The following TMEM74 variants were observed in gnomAD, a reference collection of about 807,000 sequenced individuals.
TMEM74 encodes transmembrane protein 74.
In TMEM74, 13 loss-of-function variants were observed where a neutral mutation model predicts 18.1. That is an observed-to-expected ratio of 0.72 (90% confidence interval 0.47 to 1.14). The LOEUF is 1.14. Ranked by LOEUF, TMEM74 falls within the 50% of genes most tolerant of loss-of-function variation. The pLI is 0.00. For synonymous variants in TMEM74, 159 were observed against 146.6 expected (o/e 1.08, Z -0.61); for missense variants, 372 against 375.9 (o/e 0.99, Z 0.09).
At chr8:108,761,460 C>T (rs1219845122) in intron 1 of TMEM74, among the ~76,000 whole-genome samples, 1 of 152,006 alleles carries the variant, frequency 6.6e-6, no homozygotes, top group East Asian at 1.9e-4. Context: ...AAATGACAGC[C>T]ATAGGTACAG....
At chr8:108,688,518 G>A (rs560187224) in intron 1 of TMEM74, among the ~76,000 whole-genome samples, 17 of 152,196 alleles carry the variant, frequency 1.1e-4, no homozygotes, top group Non-Finnish European at 2.5e-4. Flanking sequence ...TAACAATTTA[G>A]GCAAAAGGTC....
chr8:108,631,969 A>G (rs1344116476), intron 2 of TMEM74, among the ~76,000 whole-genome samples: 1 of 152,014 alleles, frequency 6.6e-6, no homozygotes, highest in Non-Finnish European at 1.5e-5. Flanking sequence ...ATTGTGCCCA[A>G]TTGACATTAG....
chr8:108,717,390 A>G (rs1813536476), intron 1 of TMEM74, among the ~76,000 whole-genome samples: 1 of 152,178 alleles, frequency 6.6e-6, no homozygotes, highest in South Asian at 2.1e-4. Flanking sequence ...TATTCAGAAA[A>G]CAGTAATTGA....
chr8:108,636,180 G>A (rs760791028), intron 2 of TMEM74, among the ~76,000 whole-genome samples: 8 of 152,074 alleles, frequency 5.3e-5, no homozygotes, highest in Non-Finnish European at 8.8e-5. Context: ...GAATGCTGCA[G>A]TAACAAAAAG....
intron 2 of TMEM74, among the ~76,000 whole-genome samples, chr8:108,651,617 A>G (rs1237150209): frequency 2.0e-5 from 3 of 152,004 alleles, no homozygotes; most frequent in African/African-American, 7.2e-5. Context: ...AGAGGAGTAG[A>G]GGCAGCTATA....
intron 1 of TMEM74, among the ~76,000 whole-genome samples, chr8:108,674,985 G>T (rs1468444945): frequency 6.6e-6 from 1 of 152,180 alleles, no homozygotes; most frequent in Non-Finnish European, 1.5e-5. Context: ...CCTCAGTTGT[G>T]AAAAGTGGCA....
intron 1 of TMEM74, among the ~76,000 whole-genome samples, chr8:108,694,299 C>T (rs1347541961): frequency 6.6e-6 from 1 of 151,984 alleles, no homozygotes; most frequent in Non-Finnish European, 1.5e-5. Flanking sequence ...GTGTGATATG[C>T]CTGTAAAGTT....
chr8:108,753,487 G>A (rs1043419746), intron 1 of TMEM74, among the ~76,000 whole-genome samples: 1 of 152,046 alleles, frequency 6.6e-6, no homozygotes, highest in Non-Finnish European at 1.5e-5. Flanking sequence ...AAAAAAGGAG[G>A]CTATGTGCCC....
At chr8:108,647,853 A>G (rs2935763) in intron 2 of TMEM74, among the ~76,000 whole-genome samples, 65,082 of 151,394 alleles carry the variant, frequency 0.43, 15,736 homozygotes, top group East Asian at 0.71. Context: ...TATAATGAGA[A>G]CACTAAAATA....
At chr8:108,707,675 C>T (rs1033811232) in intron 1 of TMEM74, among the ~76,000 whole-genome samples, 4 of 152,080 alleles carry the variant, frequency 2.6e-5, no homozygotes, top group African/African-American at 7.2e-5. Flanking sequence ...TACTTTACAT[C>T]GCACACAAAA....
At chr8:108,778,427 T>C (rs7845382), downstream of TMEM74, among the ~76,000 whole-genome samples, 4,657 of 152,200 alleles carry the variant, frequency 0.031, 234 homozygotes, top group African/African-American at 0.11. Context: ...CGAGAGACTG[T>C]GGAAATGTAA....
At chr8:108,679,632 A>C (rs1237854482) in intron 1 of TMEM74, among the ~76,000 whole-genome samples, 1 of 152,134 alleles carries the variant, frequency 6.6e-6, no homozygotes, top group East Asian at 1.9e-4. Flanking sequence ...AGTTCATTGT[A>C]GATTCTGGAT....
chr8:108,620,674 C>T (rs558273858), intron 2 of TMEM74, among the ~76,000 whole-genome samples: 12 of 152,154 alleles, frequency 7.9e-5, no homozygotes, highest in Non-Finnish European at 1.0e-4. Flanking sequence ...GGAAAGATAT[C>T]GCTTAGTAAG....
intron 1 of TMEM74, among the ~76,000 whole-genome samples, chr8:108,698,799 T>C (rs76642119): frequency 0.019 from 2,744 of 148,318 alleles, 98 homozygotes; most frequent in African/African-American, 0.069. Context: ...ATATTACCAC[T>C]TTTTTTTTCC....
chr8:108,661,801 G>A (rs578010171), intron 1 of TMEM74, among the ~76,000 whole-genome samples: 5 of 152,180 alleles, frequency 3.3e-5, no homozygotes, highest in South Asian at 2.1e-4. Context: ...ATGGGAATTA[G>A]CCAGGGAACA....
chr8:108,760,956 T>G (rs183703644), intron 1 of TMEM74, among the ~76,000 whole-genome samples: 31 of 148,678 alleles, frequency 2.1e-4, no homozygotes, highest in African/African-American at 7.3e-4. Flanking sequence ...TACGGGGTTC[T>G]TTTTAAGTGG....
chr8:108,677,689 A>T (rs1365973714), intron 1 of TMEM74, among the ~76,000 whole-genome samples: 1 of 152,146 alleles, frequency 6.6e-6, no homozygotes, highest in Non-Finnish European at 1.5e-5. Context: ...CAAGAGGGAA[A>T]CTGACAAGTA....
downstream of TMEM74, among the ~76,000 whole-genome samples, chr8:108,775,972 C>G (rs1378582474): frequency 6.6e-6 from 1 of 152,150 alleles, no homozygotes; most frequent in African/African-American, 2.4e-5. Context: ...TATTCCAGAA[C>G]AGTTACTTTT....
At position 108,782,505 on chromosome 8, in the gene TMEM74, G is replaced by A. The variant is rs896836803; in HGVS notation, c.*1676C>T. ...TCTGAGCCTCCCTTTTTGTATTTCA[G>A]TTCAACCCTTAAGTCATATGCAGCA... On this transcript the variant is annotated 3_prime_UTR_variant, in exon 2 of 2. Transcript: ENST00000297459. Among the ~76,000 whole-genome samples the A allele has an allele frequency of 6.6e-6, 1 of 151,866 alleles. No homozygotes were observed. The highest frequency in any genetic ancestry group is 6.6e-5 in the Admixed American group (1 of 15,242).
Sources: allele counts gnomAD v4.1 joint callset (sites outside exome capture counted in the v4.1 genomes callset), GRCh38; gene constraint gnomAD v4.1.1; transcripts MANE v1.5; gene names NCBI Gene and HGNC (gene_info 2026-07-23, HGNC 2026-07-21).